ARK2C: variants seen among roughly 807,000 people sequenced by gnomAD.
ARK2C encodes E3 ubiquitin-protein ligase ARK2C.
the ARK2C span, among the ~76,000 whole-genome samples, chr18:46,345,583 G>A: frequency 7.9e-5 from 12 of 152,350 alleles, no homozygotes; most frequent in South Asian, 1.4e-3. Flanking sequence ...AGACGTGTGC[G>A]CAGCAGAGAG....
the ARK2C span, among the ~76,000 whole-genome samples, chr18:46,449,838 T>C: frequency 6.6e-6 from 1 of 152,152 alleles, no homozygotes; most frequent in Non-Finnish European, 1.5e-5. Flanking sequence ...TATTTCTTCA[T>C]AGCAGAGTGA....
chr18:46,352,968 C>T, the ARK2C span, among the ~76,000 whole-genome samples: 1 of 152,206 alleles, frequency 6.6e-6, no homozygotes, highest in African/African-American at 2.4e-5. Context: ...GCATTAGTGG[C>T]ACTGTGGGTG....
chr18:46,413,399 T>C, the ARK2C span, among the ~76,000 whole-genome samples: 8 of 152,090 alleles, frequency 5.3e-5, no homozygotes, highest in Non-Finnish European at 1.2e-4. Flanking sequence ...GGGCTTTCCT[T>C]GAGCTTTATA....
chr18:46,337,896 A>G, the ARK2C span, among the ~76,000 whole-genome samples: 1 of 151,966 alleles, frequency 6.6e-6, no homozygotes, highest in South Asian at 2.1e-4. Flanking sequence ...AGGAGGGGCC[A>G]GTTGTCCTGT....
chr18:46,446,190 G>T, the ARK2C span, among the ~76,000 whole-genome samples: 1 of 152,114 alleles, frequency 6.6e-6, no homozygotes. Context: ...AATGATCTTT[G>T]CTTAGATCCT....
At chr18:46,390,056 T>G in the ARK2C span, among the ~76,000 whole-genome samples, 1 of 152,148 alleles carries the variant, frequency 6.6e-6, no homozygotes, top group Non-Finnish European at 1.5e-5. Flanking sequence ...AGAGGCTCTG[T>G]TCCCCAATTC....
chr18:46,362,989 A>C, the ARK2C span, among the ~76,000 whole-genome samples: 1 of 152,252 alleles, frequency 6.6e-6, no homozygotes, highest in Non-Finnish European at 1.5e-5. Context: ...CCACGCCCAC[A>C]GAAAAAGTGT....
chr18:46,444,024 A>G, the ARK2C span, among the ~76,000 whole-genome samples: 3 of 152,036 alleles, frequency 2.0e-5, no homozygotes, highest in Non-Finnish European at 4.4e-5. Flanking sequence ...ATATTTCTAT[A>G]TATTTCTAAG....
chr18:46,453,313 G>A, the ARK2C span, among the ~76,000 whole-genome samples: 1 of 152,152 alleles, frequency 6.6e-6, no homozygotes, highest in Non-Finnish European at 1.5e-5. Context: ...GAACATAGAA[G>A]GAAATGAGTG....
chr18:46,363,839 G>T, the ARK2C span, among the ~76,000 whole-genome samples: 1 of 152,118 alleles, frequency 6.6e-6, no homozygotes, highest in Non-Finnish European at 1.5e-5. Context: ...AGGGGCCACC[G>T]TTGAGGGTGT....
At chr18:46,342,359 C>T in the ARK2C span, among the ~76,000 whole-genome samples, 4 of 152,198 alleles carry the variant, frequency 2.6e-5, no homozygotes, top group African/African-American at 7.2e-5. Context: ...CTGGTGGGAC[C>T]GATTCTGAAT....
At chr18:46,385,770 T>C in the ARK2C span, 1 of 152,156 alleles carries the variant, frequency 6.6e-6, no homozygotes, top group Non-Finnish European at 1.5e-5. Flanking sequence ...GGCAGTTAAT[T>C]AAAAAATCAG....
the ARK2C span, among the ~76,000 whole-genome samples, chr18:46,405,459 GGGCTGCAGACACAGCTGA>G: frequency 6.6e-6 from 1 of 152,172 alleles, no homozygotes; most frequent in Admixed American, 6.5e-5. Flanking sequence ...AGGGACAGGA[GGGCTGCAGACACAGCTGA>G]GGCAATAGGA....
chr18:46,356,643 G>A, the ARK2C span, among the ~76,000 whole-genome samples: 7 of 152,118 alleles, frequency 4.6e-5, no homozygotes, highest in African/African-American at 1.7e-4. Context: ...TCCATCATGG[G>A]TTCCCACATG....
the ARK2C span, among the ~76,000 whole-genome samples, chr18:46,416,981 C>A: frequency 3.7e-4 from 57 of 152,290 alleles, no homozygotes; most frequent in South Asian, 6.6e-3. Flanking sequence ...GGAGGGTAAG[C>A]ATACAAGGAG....
the ARK2C span, among the ~76,000 whole-genome samples, chr18:46,394,052 C>G: frequency 2.6e-5 from 4 of 152,224 alleles, no homozygotes; most frequent in African/African-American, 9.7e-5. Flanking sequence ...CTGTTAGCTT[C>G]CTGTTGCCCT....
the ARK2C span, among the ~76,000 whole-genome samples, chr18:46,338,447 T>C: frequency 1.3e-5 from 2 of 152,216 alleles, no homozygotes; most frequent in Admixed American, 6.5e-5. Flanking sequence ...CCTAGTTTCC[T>C]GACAGCTGCT....
At chr18:46,449,773 A>G in the ARK2C span, among the ~76,000 whole-genome samples, 7 of 152,136 alleles carry the variant, frequency 4.6e-5, no homozygotes, top group Non-Finnish European at 8.8e-5. Flanking sequence ...CTCTCCAACT[A>G]TGTGGAACTG....
chr18:46,388,896 G>GA, the ARK2C span, among the ~76,000 whole-genome samples: 141 of 150,598 alleles, frequency 9.4e-4, no homozygotes, highest in African/African-American at 3.3e-3. Context: ...CAGAGATAAA[G>GA]AAAAAAAAAG....
Sources: gnomAD v4.1 joint callset for allele counts (sites outside exome capture counted in the v4.1 genomes callset) on GRCh38, gnomAD v4.1.1 for gene constraint, MANE v1.5 for transcripts, NCBI Gene and HGNC (gene_info 2026-07-23, HGNC 2026-07-21) for gene names.